NPHP4: variants seen among roughly 807,000 people sequenced by gnomAD.
NPHP4 encodes nephrocystin-4.
Under a neutral mutation model 155.8 loss-of-function variants are expected in NPHP4, and 151 were observed. The observed-to-expected ratio is 0.97, with a 90% confidence interval of 0.85 to 1.11. NPHP4 has a LOEUF of 1.11. NPHP4 is among the 50% of genes least tolerant of loss of function. The pLI, the probability that NPHP4 is intolerant of heterozygous loss-of-function variation, is 0.00. For synonymous variants in NPHP4, 845 were observed against 816.8 expected, an observed-to-expected ratio of 1.03 and a Z score of -0.59; for missense variants, 1,956 against 1,925.7, an observed-to-expected ratio of 1.02 and a Z score of -0.29.
At chr1:5,898,442 T>C (rs1374828697) in intron 16 of NPHP4, among the ~76,000 whole-genome samples, 4 of 152,134 alleles carry the variant, frequency 2.6e-5, no homozygotes, top group Non-Finnish European at 5.9e-5. Flanking sequence ...GCTCCTTGGC[T>C]CCTCCAGGCT....
chr1:5,984,425 T>C (rs1412476015), intron 2 of NPHP4, among the ~76,000 whole-genome samples: 1 of 151,900 alleles, frequency 6.6e-6, no homozygotes, highest in Non-Finnish European at 1.5e-5. Context: ...TCCCAGCTAC[T>C]TGGGAGGCTG....
intron 19 of NPHP4, chr1:5,879,275 C>A: frequency 3.6e-6 from 1 of 280,028 alleles, no homozygotes; most frequent in Non-Finnish European, 7.0e-6. Context: ...GGGGAAAATG[C>A]TCCTTAAAGA....
At chr1:5,928,372 A>G (rs1054822996) in intron 10 of NPHP4, among the ~76,000 whole-genome samples, 1 of 152,256 alleles carries the variant, frequency 6.6e-6, no homozygotes, top group Non-Finnish European at 1.5e-5. Flanking sequence ...GATTCATCCA[A>G]GTTGTTACAT....
At chr1:5,939,855 C>A (rs868439475) in intron 9 of NPHP4, among the ~76,000 whole-genome samples, 16 of 152,090 alleles carry the variant, frequency 1.1e-4, no homozygotes, top group Admixed American at 2.0e-4. Flanking sequence ...TCTTTCATTA[C>A]GGGCCACCAG....
At chr1:5,921,790 G>C (rs1480426250) in intron 11 of NPHP4, among the ~76,000 whole-genome samples, 5 of 152,106 alleles carry the variant, frequency 3.3e-5, no homozygotes, top group Admixed American at 3.3e-4. Flanking sequence ...TGAAGTTTTG[G>C]TTTTTAGGCC....
At chr1:5,918,453 G>A (rs997730578) in intron 11 of NPHP4, among the ~76,000 whole-genome samples, 26 of 152,074 alleles carry the variant, frequency 1.7e-4, no homozygotes, top group African/African-American at 4.8e-4. Context: ...TAAACACGAT[G>A]AGCAAATAAG....
intron 6 of NPHP4, among the ~76,000 whole-genome samples, chr1:5,961,088 C>T (rs1375421445): frequency 6.6e-6 from 1 of 152,202 alleles, no homozygotes; most frequent in African/African-American, 2.4e-5. Flanking sequence ...ACTTTGAAGA[C>T]ATTTCACTCT....
chr1:5,922,324 C>T (rs912552997), intron 11 of NPHP4, among the ~76,000 whole-genome samples: 1 of 152,228 alleles, frequency 6.6e-6, no homozygotes, highest in Non-Finnish European at 1.5e-5. Flanking sequence ...CCTGTTGCAA[C>T]GTCACTAATT....
At chr1:5,982,251 A>G (rs1654830618) in intron 2 of NPHP4, among the ~76,000 whole-genome samples, 1 of 152,180 alleles carries the variant, frequency 6.6e-6, no homozygotes, top group African/African-American at 2.4e-5. Context: ...TCAGCAACAG[A>G]CTGTATATAT....
Position 5,864,178 on chromosome 1 carries a change from C to T in NPHP4, c.3997-145G>A, listed in dbSNP as rs556293944. 8.6e-5 allele frequency: 99 copies of T among 1,151,682 alleles called. No homozygotes were observed. In the East Asian group the frequency reaches 8.8e-4, roughly 10 times the overall value. The allele number at this position is 1,151,682 out of a possible 1,614,324, so 71.3% of individuals were successfully genotyped here. A position where few individuals can be genotyped will look rare whatever the true frequency, so the allele number is the denominator to read the frequency against. ...ACAGACGCTCTCTGGAGCTTCCATCCGGGAGAGACACAGCACAGGAGCAAA... is the reference window on the plus strand; with the variant it reads ...ACAGACGCTCTCTGGAGCTTCCATCTGGGAGAGACACAGCACAGGAGCAAA... On this transcript the variant is annotated intron_variant, in intron 28 of 29. Transcript: ENST00000378156.
In NPHP4 at chr1:5,946,962, A is replaced by C. The variant is rs186174643; in HGVS notation, c.1119+142T>G. The stretch of plus-strand genomic sequence containing the variant: ...TAACATTCCTTACAATCAGCTGATA[A>C]ATGTCAGTAAAGTGATTTTTACTTA... On this transcript the variant is annotated intron_variant, in intron 9 of 29. Transcript: ENST00000378156. 179 of 900,920 alleles carry C rather than the reference A, an allele frequency of 2.0e-4. No homozygotes were observed. In the African/African-American group the frequency reaches 2.7e-3, roughly 14 times the overall value. 55.8% of individuals were successfully genotyped at this position (900,920 alleles called of 1,614,324 possible).
chr1:5,867,641 G>T lies in NPHP4; in HGVS notation c.3472+99C>A. ...CCCACGTGCTGCTCTGACAGCACCA[G>T]GGCATGAAGCCATGAGGCCATCTGT... On this transcript the variant is annotated intron_variant, in intron 24 of 29. Coordinates refer to ENST00000378156, the MANE Select transcript of NPHP4 (RefSeq NM_015102.5). The surrounding 1 kb of genome is among the most constrained non-coding windows in gnomAD (Gnocchi z 4.1). 2 of 1,277,424 alleles carry T rather than the reference G, an allele frequency of 1.6e-6. No individual in the cohort carries two copies. The highest frequency in any genetic ancestry group is 2.2e-6 in the Non-Finnish European group (2 of 911,110). 79.1% of individuals were successfully genotyped at this position (1,277,424 alleles called of 1,614,324 possible).
chr1:5,909,354 A>G, intron 11 of NPHP4, 141 bp from the exon 12 acceptor site: 1 of 720,256 alleles, frequency 1.4e-6, no homozygotes, highest in Non-Finnish European at 2.5e-6. Context: ...GTTACCGTTC[A>G]GGGGCAACAG....
intron 23 of NPHP4, among the ~76,000 whole-genome samples, chr1:5,869,031 A>G (rs1312964172): frequency 6.5e-5 from 9 of 138,072 alleles, no homozygotes; most frequent in Admixed American, 6.5e-4. Flanking sequence ...ATGCACACAC[A>G]TACATGCACA....
chr1:5,868,260 G>C (rs141629391), intron 23 of NPHP4: 243 of 370,628 alleles, frequency 6.6e-4, no homozygotes, highest in African/African-American at 4.6e-3. Context: ...GTGCATGTGC[G>C]CAAGTCAGGC....
intron 11 of NPHP4, among the ~76,000 whole-genome samples, chr1:5,927,001 G>A (rs771488912): frequency 3.3e-5 from 5 of 152,160 alleles, no homozygotes; most frequent in Admixed American, 6.5e-5. Context: ...CGTACCTTCC[G>A]CCCCTCACTT....
At chr1:5,920,424 C>A (rs1167845207) in intron 11 of NPHP4, among the ~76,000 whole-genome samples, 1 of 152,202 alleles carries the variant, frequency 6.6e-6, no homozygotes, top group Non-Finnish European at 1.5e-5. Context: ...GAGATGTGCT[C>A]CAGCTGCTCC....
intron 4 of NPHP4, 24 bp from the exon 5 acceptor site, chr1:5,967,387 A>G (rs1458202325): frequency 1.3e-6 from 2 of 1,589,206 alleles, no homozygotes; most frequent in South Asian, 2.3e-5. Context: ...CCCAGAGAAC[A>G]GTCGTCAGCC....
At chr1:5,911,671 G>A (rs1645185074) in intron 11 of NPHP4, among the ~76,000 whole-genome samples, 1 of 152,134 alleles carries the variant, frequency 6.6e-6, no homozygotes, top group African/African-American at 2.4e-5. Context: ...CATTAAAGGT[G>A]GCCATTTAAA....
Sources: gnomAD v4.1 joint callset for allele counts (sites outside exome capture counted in the v4.1 genomes callset) on GRCh38, gnomAD v4.1.1 for gene constraint, Gnocchi (gnomAD v3.1) non-coding constraint, MANE v1.5 for transcripts, NCBI Gene and HGNC (gene_info 2026-07-23, HGNC 2026-07-21) for gene names.